DPY19L1: variants seen among roughly 807,000 people sequenced by gnomAD.
DPY19L1 encodes the protein dpy-19 like C-mannosyltransferase 1, also known as protein C-mannosyl-transferase DPY19L1.
Under a neutral mutation model 96.9 loss-of-function variants are expected in DPY19L1, and 35 were observed. The ratio of observed to expected loss-of-function variants is 0.36; its 90% CI spans 0.28 to 0.48. The LOEUF is 0.48. DPY19L1 is among the 20% of genes least tolerant of loss of function. The pLI is 0.99. For missense variants in DPY19L1, 521 were observed against 777.9 expected (o/e 0.67, Z 3.93); for synonymous variants, 205 against 252.6 (o/e 0.81, Z 1.79).
At chr7:34,942,224 A>G (rs1201732957) in intron 17 of DPY19L1, among the ~76,000 whole-genome samples, 2 of 152,164 alleles carry the variant, frequency 1.3e-5, no homozygotes, top group Non-Finnish European at 2.9e-5. Context: ...TGAGGGCTCC[A>G]CCTTGGAACT....
intron 21 of DPY19L1, among the ~76,000 whole-genome samples, chr7:34,935,100 T>C (rs1004876025): frequency 6.6e-6 from 1 of 152,084 alleles, no homozygotes; most frequent in African/African-American, 2.4e-5. Flanking sequence ...TGGGCATGGG[T>C]TTTCTACCTT....
intron 6 of DPY19L1, among the ~76,000 whole-genome samples, chr7:35,005,803 T>C (rs889810149): frequency 7.5e-5 from 10 of 132,642 alleles, no homozygotes; most frequent in African/African-American, 2.7e-4. Context: ...AGAGTGAGAT[T>C]TCGTCTCAAA....
At chr7:35,013,797 A>T in intron 3 of DPY19L1, 92 bp from the exon 4 acceptor site, 1 of 936,006 alleles carries the variant, frequency 1.1e-6, no homozygotes, top group Non-Finnish European at 1.6e-6. Flanking sequence ...AAAACAAAGC[A>T]ATTAAGTAAT....
At chr7:34,959,924 T>TAAAAA (rs1562806976) in intron 10 of DPY19L1, among the ~76,000 whole-genome samples, 5 of 51,202 alleles carry the variant, frequency 9.8e-5, no homozygotes, top group Non-Finnish European at 1.7e-4. Flanking sequence ...TATATATATA[T>TAAAAA]TTATATATAT....
intron 7 of DPY19L1, among the ~76,000 whole-genome samples, chr7:34,989,626 CAAA>C (rs1291808735): frequency 8.3e-6 from 1 of 121,016 alleles, no homozygotes; most frequent in Non-Finnish European, 1.8e-5. Flanking sequence ...GCCTCAAAAA[CAAA>C]AACAACAACA....
At chr7:34,993,169 T>G (rs1259573328) in intron 6 of DPY19L1, among the ~76,000 whole-genome samples, 3 of 152,226 alleles carry the variant, frequency 2.0e-5, no homozygotes, top group Non-Finnish European at 2.9e-5. Context: ...TATGTTGATA[T>G]TTTCCTTTAT....
chr7:34,944,365 C>CAAAAAAAAAAAAAAAAAAAAAAAA (rs60937482), intron 16 of DPY19L1, among the ~76,000 whole-genome samples: 1 of 82,316 alleles, frequency 1.2e-5, no homozygotes, highest in African/African-American at 5.1e-5. Flanking sequence ...GGCTCTGTCT[C>CAAAAAAAAAAAAAAAAAAAAAAAA]AAAAAAAAAA....
At position 34,931,551 on chromosome 7, in the gene DPY19L1, T is replaced by C. The variant is rs1421098606; in HGVS notation, c.*22A>G. On this transcript the variant is annotated 3_prime_UTR_variant, in exon 22 of 22. Coordinates refer to ENST00000638088, the MANE Select transcript of DPY19L1 (RefSeq NM_001366673.1). ...AAACCATTACAGATGTAGTTCTCCG[T>C]AGGCAGCAGGTCATGTAGCAGTCAT... 1 of 1,512,326 alleles carries C rather than the reference T, an allele frequency of 6.6e-7. No individual in the cohort carries two copies. The highest frequency in any genetic ancestry group is 8.8e-7 in the Non-Finnish European group (1 of 1,132,780). 93.7% of individuals were successfully genotyped at this position (1,512,326 alleles called of 1,614,324 possible). A position where few individuals can be genotyped will look rare whatever the true frequency, so the allele number is the denominator to read the frequency against.
chr7:34,940,596 A>G (rs1312989296), intron 18 of DPY19L1, among the ~76,000 whole-genome samples: 1 of 152,046 alleles, frequency 6.6e-6, no homozygotes, highest in Non-Finnish European at 1.5e-5. Context: ...ACCAATTTAC[A>G]AGGCCCAGTA....
chr7:34,973,711 C>T (rs745964204), intron 7 of DPY19L1, 106 bp from the exon 8 acceptor site: 17 of 560,680 alleles, frequency 3.0e-5, no homozygotes, highest in East Asian at 1.8e-4. Context: ...ATAATTTAAA[C>T]GGTGTGTTGT....
chr7:35,017,651 G>A lies in DPY19L1; in HGVS notation c.411+231C>T, dbSNP rs1415702688. Among the ~76,000 whole-genome samples, 9 of 151,572 alleles carry A rather than the reference G, an allele frequency of 5.9e-5. No homozygotes were observed. The South Asian group carries it at 1.2e-3, about 21-fold the overall frequency. On this transcript the variant is annotated intron_variant, in intron 3 of 21. Coordinates refer to ENST00000638088, the MANE Select transcript of DPY19L1 (RefSeq NM_001366673.1). ...GGAGCCACTGCACTCCAGCCTGGGC[G>A]ACAGAGCGAGACTCCGTCTCGAAAA...
At chr7:35,020,989 A>AT (rs1785982391) in intron 1 of DPY19L1, among the ~76,000 whole-genome samples, 1 of 152,228 alleles carries the variant, frequency 6.6e-6, no homozygotes, top group Non-Finnish European at 1.5e-5. Context: ...GATTACAGGC[A>AT]TGAGCCACCA....
chr7:34,959,288 T>C (rs1413881334), intron 10 of DPY19L1, among the ~76,000 whole-genome samples: 3 of 152,224 alleles, frequency 2.0e-5, no homozygotes, highest in Non-Finnish European at 4.4e-5. Flanking sequence ...AGTTCAACTA[T>C]TGTGGAAGAT....
At position 34,958,384 on chromosome 7, in the gene DPY19L1, C is replaced by T. The variant is rs143496007; in HGVS notation, c.1093-314G>A. Reference sequence around the variant, plus strand: ...AATATGTTTCAGAGAGCTTTCCATACACATGCAAGCCAATCTAATACATTC... The same window carrying T: ...AATATGTTTCAGAGAGCTTTCCATATACATGCAAGCCAATCTAATACATTC... On this transcript the variant is annotated intron_variant, in intron 10 of 21. Coordinates refer to ENST00000638088, the MANE Select transcript of DPY19L1 (RefSeq NM_001366673.1). Among the ~76,000 whole-genome samples the T allele has an allele frequency of 1.1e-4, 17 of 152,318 alleles. No homozygotes were observed. In the East Asian group the frequency reaches 3.3e-3, roughly 29 times the overall value.
chr7:34,960,591 T>C (rs1784482427), intron 10 of DPY19L1, among the ~76,000 whole-genome samples: 2 of 152,302 alleles, frequency 1.3e-5, no homozygotes, highest in South Asian at 4.1e-4. Context: ...CTTTGAATTA[T>C]TTTTCAGTCA....
At chr7:35,002,152 A>C (rs1367534675) in intron 6 of DPY19L1, among the ~76,000 whole-genome samples, 2 of 151,452 alleles carry the variant, frequency 1.3e-5, no homozygotes, top group Non-Finnish European at 2.9e-5. Context: ...ACAAAACAAA[A>C]AACAACAACA....
chr7:34,949,116 T>C (rs1174509051), intron 14 of DPY19L1, among the ~76,000 whole-genome samples: 2 of 152,220 alleles, frequency 1.3e-5, no homozygotes, highest in African/African-American at 2.4e-5. Context: ...AATGCACATA[T>C]ATACATGCTT....
chr7:35,031,228 A>G (rs1465245360), intron 1 of DPY19L1, among the ~76,000 whole-genome samples: 1 of 152,232 alleles, frequency 6.6e-6, no homozygotes, highest in Non-Finnish European at 1.5e-5. Flanking sequence ...AGGCGGAAAA[A>G]AAATCCATCT....
At position 34,930,837 on chromosome 7, in the gene DPY19L1, A is replaced by G. The variant is rs1290915476; in HGVS notation, c.*736T>C. On this transcript the variant is annotated 3_prime_UTR_variant, in exon 22 of 22. Coordinates refer to ENST00000638088, the MANE Select transcript of DPY19L1 (RefSeq NM_001366673.1). The stretch of plus-strand genomic sequence containing the variant: ...GAATAAGTACTTGATAAGCAACTAA[A>G]TGAGTAAACAGTACTTATTTGACAG... The G allele has an allele frequency of 1.3e-5, 2 of 152,188 alleles. No homozygotes were observed. Among genetic ancestry groups the G allele is most frequent in the Non-Finnish European group, 2.9e-5 (2 of 68,036 alleles). The allele number at this position is 152,188 out of a possible 1,614,324, so 9.4% of individuals were successfully genotyped here. A position where few individuals can be genotyped will look rare whatever the true frequency, so the allele number is the denominator to read the frequency against.
Sources: gnomAD v4.1 joint callset for allele counts (sites outside exome capture counted in the v4.1 genomes callset) on GRCh38, gnomAD v4.1.1 for gene constraint, MANE v1.5 for transcripts, NCBI Gene and HGNC (gene_info 2026-07-23, HGNC 2026-07-21) for gene names.